Variants in RTF1 observed in about 807,000 individuals in gnomAD.
The protein encoded by RTF1 is RNA polymerase-associated protein RTF1 homolog.
In RTF1, 10 loss-of-function variants were observed where a neutral mutation model predicts 95.7. That is an observed-to-expected ratio of 0.10 (90% confidence interval 0.06 to 0.18). The LOEUF is 0.18. Ranked by LOEUF, RTF1 falls within the 10% of genes least tolerant of loss-of-function variation. The pLI is 1.00. For missense variants in RTF1, 458 were observed against 875.6 expected (o/e 0.52, Z 6.02); for synonymous variants, 305 against 311.8 (o/e 0.98, Z 0.23).
At position 41,448,520 on chromosome 15, in the gene RTF1, G is replaced by A. The variant is rs534360550; in HGVS notation, c.310-4381G>A. ...CAGACTCACAGCAATTCTCATTTTC[G>A]CCCGGGTATAGTGGCTCTACTAACC... On this transcript the variant is annotated intron_variant, in intron 2 of 17. Transcript: ENST00000389629. Among the ~76,000 whole-genome samples the A allele has an allele frequency of 3.9e-5, 6 of 151,930 alleles. No individual in the cohort carries two copies. The South Asian group carries it at 1.2e-3, about 32-fold the overall frequency.
intron 1 of RTF1, among the ~76,000 whole-genome samples, chr15:41,421,591 G>A (rs1056764707): frequency 2.7e-5 from 4 of 148,942 alleles, no homozygotes; most frequent in Admixed American, 6.8e-5. Flanking sequence ...TGGTCCCACC[G>A]TTTCTCTTCA....
intron 1 of RTF1, among the ~76,000 whole-genome samples, chr15:41,424,401 A>G (rs2140944555): frequency 6.6e-6 from 1 of 152,284 alleles, no homozygotes; most frequent in African/African-American, 2.4e-5. Context: ...TATAAAAGAA[A>G]TGAGACAGGA....
chr15:41,453,449 G>C (rs752359117), intron 3 of RTF1, among the ~76,000 whole-genome samples: 1 of 152,152 alleles, frequency 6.6e-6, no homozygotes, highest in Non-Finnish European at 1.5e-5. Context: ...ACTTGGGCCA[G>C]GTGCAATGGC....
In RTF1 at chr15:41,478,528, G is replaced by A; in HGVS notation, c.1741-20G>A. 9 of 1,609,414 alleles carry A rather than the reference G, an allele frequency of 5.6e-6. No homozygotes were observed. The highest frequency in any genetic ancestry group is 6.0e-6 in the Non-Finnish European group (7 of 1,176,230). On this transcript the variant is annotated intron_variant, in intron 14 of 17. Transcript: ENST00000389629. ...GAGGGGCTGGAGGTGCAGTTCTGTG[G>A]TGCATGCTTTCTGTTTCAGGCTGAA...
chr15:41,474,728 C>T, intron 9 of RTF1, 26 bp downstream of exon 9: 1 of 1,536,180 alleles, frequency 6.5e-7, no homozygotes, highest in Non-Finnish European at 9.0e-7. Flanking sequence ...GGGGTAGCTT[C>T]TGCTTCCACT....
intron 1 of RTF1, among the ~76,000 whole-genome samples, chr15:41,427,464 A>T (rs994334243): frequency 7.2e-5 from 11 of 152,008 alleles, no homozygotes; most frequent in Admixed American, 1.3e-4. Flanking sequence ...CAAAATTTTT[A>T]AAAAATTAGC....
chr15:41,426,560 T>G (rs1452784988), intron 1 of RTF1, among the ~76,000 whole-genome samples: 1 of 151,690 alleles, frequency 6.6e-6, no homozygotes, highest in African/African-American at 2.4e-5. Flanking sequence ...CCACCTCGGC[T>G]TCCCGAACTG....
At chr15:41,456,188 C>G (rs1342273765) in intron 3 of RTF1, among the ~76,000 whole-genome samples, 1 of 138,072 alleles carries the variant, frequency 7.2e-6, no homozygotes, top group Non-Finnish European at 1.5e-5. Flanking sequence ...GAAACTCCAT[C>G]TCAAAAAAAA....
At chr15:41,441,264 T>C (rs1160488359) in intron 2 of RTF1, among the ~76,000 whole-genome samples, 1 of 152,068 alleles carries the variant, frequency 6.6e-6, no homozygotes. Context: ...AGCCACCATG[T>C]CTGGCCTCTC....
At chr15:41,473,056 T>C (rs923222171) in intron 8 of RTF1, among the ~76,000 whole-genome samples, 1 of 152,168 alleles carries the variant, frequency 6.6e-6, no homozygotes, top group Non-Finnish European at 1.5e-5. Context: ...CTGTTTCTTA[T>C]GCTGGTCTCA....
chr15:41,461,183 C>T (rs1463941061), intron 4 of RTF1, among the ~76,000 whole-genome samples: 1 of 151,984 alleles, frequency 6.6e-6, no homozygotes, highest in African/African-American at 2.4e-5. Context: ...GCTGGGATTA[C>T]AGGCGCCCAC....
rs780146659 is a variant in RTF1, at chr15:41,417,145, AGCG to A, written c.45_47del (p.Ala16del). On this transcript the variant is annotated inframe_deletion, in exon 1 of 18. Transcript: ENST00000389629. ...GCGGTCGCCTTTGTGTGGGTCGAGC[AGCG>A]GCGGCGGCGGCGGCAGTGGCGGTCC... is the stretch of plus-strand genomic sequence containing the variant. The A allele has an allele frequency of 1.2e-4, 145 of 1,256,886 alleles. No individual in the cohort carries two copies. The highest frequency in any genetic ancestry group is 1.0e-3 in the South Asian group (28 of 27,002). The allele number at this position is 1,256,886 out of a possible 1,614,324, so 77.9% of individuals were successfully genotyped here.
chr15:41,449,481 C>T (rs77577464), intron 2 of RTF1, among the ~76,000 whole-genome samples: 7,673 of 151,800 alleles, frequency 0.051, 233 homozygotes, highest in East Asian at 0.16. Context: ...TCTGCCCAGC[C>T]GGCAGCAGGT....
Position 41,471,153 on chromosome 15 carries a change from G to A in RTF1, c.1026-19G>A. The A allele has an allele frequency of 1.3e-6, 2 of 1,564,580 alleles. No homozygotes were observed. Among genetic ancestry groups the A allele is most frequent in the Non-Finnish European group, 1.7e-6 (2 of 1,158,186 alleles). On this transcript the variant is annotated intron_variant, in intron 7 of 17. Transcript: ENST00000389629. ...TTTTATGATGAACATTTTTTCCAGTGCCCCTTTGTTCCTCTTAGGAAAGAA... is the reference window on the plus strand; with the variant it reads ...TTTTATGATGAACATTTTTTCCAGTACCCCTTTGTTCCTCTTAGGAAAGAA...
chr15:41,449,325 G>T (rs2050779010), intron 2 of RTF1, among the ~76,000 whole-genome samples: 1 of 147,122 alleles, frequency 6.8e-6, no homozygotes, highest in Non-Finnish European at 1.5e-5. Flanking sequence ...CCGCCTCCCG[G>T]GTTCACACCA....
intron 2 of RTF1, among the ~76,000 whole-genome samples, chr15:41,441,433 A>G (rs142060728): frequency 2.6e-5 from 4 of 152,174 alleles, no homozygotes; most frequent in Non-Finnish European, 5.9e-5. Context: ...AGATACAAGC[A>G]GTAAGTCTGC....
intron 14 of RTF1, among the ~76,000 whole-genome samples, chr15:41,477,881 G>T (rs2050949810): frequency 6.6e-6 from 1 of 152,162 alleles, no homozygotes; most frequent in African/African-American, 2.4e-5. Context: ...CGAGGCGGGT[G>T]GATCACCTGG....
intron 14 of RTF1, 107 bp from the exon 15 acceptor site, chr15:41,478,441 C>CTTT (rs113160783): frequency 1.2e-5 from 7 of 607,022 alleles, no homozygotes; most frequent in South Asian, 2.2e-5. Context: ...AGGATAATAG[C>CTTT]TTTTTTTTTT....
intron 8 of RTF1, among the ~76,000 whole-genome samples, chr15:41,472,020 T>C (rs934402183): frequency 2.6e-5 from 4 of 151,352 alleles, no homozygotes; most frequent in African/African-American, 9.7e-5. Flanking sequence ...CGCCTCAGCC[T>C]CCCAAGTAGC....
Sources: allele counts gnomAD v4.1 joint callset (sites outside exome capture counted in the v4.1 genomes callset), GRCh38; gene constraint gnomAD v4.1.1; transcripts MANE v1.5; gene names NCBI Gene and HGNC (gene_info 2026-07-23, HGNC 2026-07-21).